The following FRMD4B variants were observed in gnomAD, a reference collection of about 807,000 sequenced individuals.
FRMD4B encodes FERM domain-containing protein 4B.
FRMD4B carries 74 observed loss-of-function variants against 141.5 expected under a neutral mutation model. That is an observed-to-expected ratio of 0.52 (90% confidence interval 0.43 to 0.63). The LOEUF is 0.63. Ranked by LOEUF, FRMD4B falls within the 30% of genes least tolerant of loss-of-function variation. The pLI, the probability that FRMD4B is intolerant of heterozygous loss-of-function variation, is 0.00. For synonymous variants in FRMD4B, 506 were observed against 467.9 expected (o/e 1.08, Z -1.05); for missense variants, 1,366 against 1,253.4 (o/e 1.09, Z -1.36).
intron 4 of FRMD4B, chr3:69,292,982 A>C (rs1476621407): frequency 2.2e-6 from 1 of 452,722 alleles, no homozygotes; most frequent in Non-Finnish European, 4.4e-6. Context: ...CCTCGGCTTC[A>C]CAAGTGTAAT....
At chr3:69,228,400 TG>T (rs1253199476) in intron 7 of FRMD4B, 12 of 456,844 alleles carry the variant, frequency 2.6e-5, no homozygotes, top group Non-Finnish European at 4.0e-5. Flanking sequence ...AGCTGAGAAA[TG>T]TAAGTCAAAC....
intron 1 of FRMD4B, among the ~76,000 whole-genome samples, chr3:69,371,797 C>T (rs550301943): frequency 3.3e-5 from 5 of 152,196 alleles, no homozygotes; most frequent in African/African-American, 1.2e-4. Flanking sequence ...CTACAAAGTA[C>T]GCTCTGAGAG....
chr3:69,362,084 T>C (rs1395402941), intron 1 of FRMD4B, among the ~76,000 whole-genome samples: 5 of 152,208 alleles, frequency 3.3e-5, no homozygotes, highest in Non-Finnish European at 5.9e-5. Flanking sequence ...AAGTGACTTT[T>C]TGTTTGCACA....
chr3:69,292,217 G>A (rs1700897402), intron 4 of FRMD4B, among the ~76,000 whole-genome samples: 1 of 152,178 alleles, frequency 6.6e-6, no homozygotes, highest in South Asian at 2.1e-4. Context: ...TGAATTAAGG[G>A]GAGAATGCTG....
At chr3:69,525,228 G>C (rs1023395880) in intron 1 of FRMD4B, among the ~76,000 whole-genome samples, 8 of 152,216 alleles carry the variant, frequency 5.3e-5, no homozygotes, top group African/African-American at 1.7e-4. Flanking sequence ...CCTGGCTCTT[G>C]GCCATGATGG....
chr3:69,343,022 T>C lies in FRMD4B; in HGVS notation c.163-29505A>G, dbSNP rs74347524. 6.4e-3 allele frequency among the ~76,000 whole-genome samples: 969 copies of C among 152,252 alleles called. 13 individuals are homozygous for C. The highest frequency in any genetic ancestry group is 0.023 in the African/African-American group (945 of 41,544). On this transcript the variant is annotated intron_variant, in intron 1 of 22. Transcript: ENST00000398540. ...TGGAATGCAGTAGTAGCACAATCCA[T>C]AGCTCGCTGCAGCCTCGGACTCCTG...
At chr3:69,295,759 T>C (rs1384933) in intron 4 of FRMD4B, among the ~76,000 whole-genome samples, 149,661 of 152,294 alleles carry the variant, frequency 0.98, 73,595 homozygotes, top group East Asian at 1. Flanking sequence ...CACTGAAAAC[T>C]GAGCTTCTAA....
chr3:69,235,917 G>A (rs895517660), intron 7 of FRMD4B, among the ~76,000 whole-genome samples: 39 of 152,196 alleles, frequency 2.6e-4, no homozygotes, highest in African/African-American at 9.4e-4. Context: ...TCTAGGAAGA[G>A]GGGACAGGAA....
intron 4 of FRMD4B, among the ~76,000 whole-genome samples, chr3:69,300,575 G>A (rs919362231): frequency 6.6e-6 from 1 of 152,208 alleles, no homozygotes; most frequent in Non-Finnish European, 1.5e-5. Flanking sequence ...GATATTAGCT[G>A]TCAAATAATC....
intron 1 of FRMD4B, among the ~76,000 whole-genome samples, chr3:69,462,787 C>T (rs987600809): frequency 6.2e-4 from 95 of 152,312 alleles, no homozygotes; most frequent in Non-Finnish European, 1.1e-3. Context: ...TTGTGGCAGG[C>T]GATTCCTCCT....
At chr3:69,423,459 CT>C (rs950964623) in intron 2 of FRMD4B, among the ~76,000 whole-genome samples, 11 of 152,204 alleles carry the variant, frequency 7.2e-5, no homozygotes, top group African/African-American at 2.7e-4. Flanking sequence ...ACACACGTCC[CT>C]TTCAGAGTCT....
Position 69,516,821 on chromosome 3 carries a change from C to G in FRMD4B, c.-129+25385G>C, listed in dbSNP as rs142560198. ...AACAAAGTTATTATTCCCTAGAGAG[C>G]TGGAAAACTGCTGGGTGGGCTTGAT... On this transcript the variant is annotated intron_variant, in intron 1 of 5. Transcript: ENST00000459638. Among the ~76,000 whole-genome samples the G allele has an allele frequency of 4.4e-4, 67 of 152,272 alleles. 2 individuals are homozygous for G. The highest frequency in any genetic ancestry group is 1.3e-3 in the African/African-American group (55 of 41,568).
chr3:69,221,183 G>A (rs1199987121), intron 9 of FRMD4B, among the ~76,000 whole-genome samples: 1 of 151,998 alleles, frequency 6.6e-6, no homozygotes, highest in African/African-American at 2.4e-5. Context: ...GGCTGGCATC[G>A]AACCTCTGAT....
intron 8 of FRMD4B, 104 bp downstream of exon 8, chr3:69,224,503 A>C: frequency 1.4e-6 from 1 of 703,850 alleles, no homozygotes; most frequent in South Asian, 1.6e-5. Context: ...TTGATTGGCA[A>C]TGTGATATTT....
chr3:69,233,071 CCAAG>C (rs1559738928), intron 7 of FRMD4B, among the ~76,000 whole-genome samples: 1 of 151,738 alleles, frequency 6.6e-6, no homozygotes, highest in African/African-American at 2.4e-5. Flanking sequence ...CTTTTCTTCT[CCAAG>C]CAAAGCGCTT....
At chr3:69,386,117 A>G, upstream of FRMD4B, 1 of 866,716 alleles carries the variant, frequency 1.2e-6, no homozygotes, top group Non-Finnish European at 1.7e-6. Context: ...CCTGCCACCA[A>G]ACTCGTCTTT....
intron 3 of FRMD4B, among the ~76,000 whole-genome samples, chr3:69,304,147 G>A (rs1285294979): frequency 7.3e-6 from 1 of 136,582 alleles, no homozygotes; most frequent in African/African-American, 2.8e-5. Context: ...CTGCACCCTA[G>A]TCTGGACAAC....
intron 1 of FRMD4B, among the ~76,000 whole-genome samples, chr3:69,325,373 C>T (rs1702158986): frequency 6.6e-6 from 1 of 152,206 alleles, no homozygotes; most frequent in African/African-American, 2.4e-5. Flanking sequence ...CTGGGGAGGG[C>T]ATTCTCATAA....
chr3:69,518,620 C>G (rs978034705), intron 1 of FRMD4B, among the ~76,000 whole-genome samples: 1 of 152,106 alleles, frequency 6.6e-6, no homozygotes, highest in Non-Finnish European at 1.5e-5. Flanking sequence ...TGTTATCTAC[C>G]CTTCCAACCC....
Sources: allele counts gnomAD v4.1 joint callset (sites outside exome capture counted in the v4.1 genomes callset), GRCh38; gene constraint gnomAD v4.1.1; transcripts MANE v1.5; gene names NCBI Gene and HGNC (gene_info 2026-07-23, HGNC 2026-07-21).